Variants in EXD3 observed in about 807,000 individuals in gnomAD.
EXD3 encodes the protein exonuclease mut-7 homolog.
In EXD3, 92 loss-of-function variants were observed where a neutral mutation model predicts 98.0. The ratio of observed to expected loss-of-function variants is 0.94; its 90% CI spans 0.79 to 1.12. The LOEUF is 1.12. EXD3 is among the 50% of genes most tolerant of loss of function. The probability of loss-of-function intolerance (pLI) is 0.00; values close to 1 mark genes in which losing one functional copy is unlikely to be tolerated. For missense variants in EXD3, 1,222 were observed against 1,191.6 expected (o/e 1.03, Z -0.38); for synonymous variants, 569 against 526.0 (o/e 1.08, Z -1.12).
chr9:137,398,746 C>T (rs1163428632), intron 1 of EXD3, among the ~76,000 whole-genome samples: 1 of 148,284 alleles, frequency 6.7e-6, no homozygotes, highest in Admixed American at 6.7e-5. Flanking sequence ...GCACCCGCGT[C>T]CCCGAGACAC....
chr9:137,346,170 C>T (rs935994306), intron 17 of EXD3, among the ~76,000 whole-genome samples: 2 of 128,206 alleles, frequency 1.6e-5, no homozygotes, highest in South Asian at 2.7e-4. Flanking sequence ...ACCTGGGAGG[C>T]GGAGCTTGCA....
At chr9:137,348,477 T>C (rs1251829509) in intron 16 of EXD3, among the ~76,000 whole-genome samples, 3 of 30,912 alleles carry the variant, frequency 9.7e-5, no homozygotes, top group East Asian at 8.6e-4. Flanking sequence ...GGGTGGCGTG[T>C]GTGCCCAGAG....
At position 137,309,620 on chromosome 9, in the gene EXD3, C is replaced by T. The variant is rs768959417; in HGVS notation, c.2265G>A (p.Gly755=). 6.4e-7 allele frequency: 1 copy of T among 1,560,112 alleles called. No individual in the cohort carries two copies. The highest frequency in any genetic ancestry group is 1.2e-5 in the South Asian group (1 of 84,624). The part of the protein sequence containing the change: ...QLMWLSSHQE[G]PRSSGDEATQ... ...TGACACACTCACCTGAGCTCCTGGG[C>T]CCCTCCTGGTGACTGCTGAGCCACA... Residue 755 remains glycine, a synonymous_variant, in exon 20 of 22, where the codon GGG becomes GGA. Transcript: ENST00000340951.
At chr9:137,363,335 CTTTTTTT>C (rs71387828) in intron 7 of EXD3, among the ~76,000 whole-genome samples, 1 of 81,184 alleles carries the variant, frequency 1.2e-5, no homozygotes, top group Non-Finnish European at 2.2e-5. Context: ...GTGCAATTTC[CTTTTTTT>C]TTTTTTTTTT....
At chr9:137,316,038 C>T (rs1484818630) in intron 19 of EXD3, among the ~76,000 whole-genome samples, 2 of 150,444 alleles carry the variant, frequency 1.3e-5, no homozygotes, top group African/African-American at 2.4e-5. Context: ...CCCCGGGGCT[C>T]CAGAGCTTCC....
intron 10 of EXD3, chr9:137,353,895 GGAC>G (rs1455784484): frequency 3.0e-6 from 3 of 994,054 alleles, no homozygotes; most frequent in Non-Finnish European, 3.6e-6. Flanking sequence ...GTTCCCACGT[GGAC>G]GACAATACGT....
intron 17 of EXD3, among the ~76,000 whole-genome samples, chr9:137,336,833 A>C (rs771078339): frequency 5.3e-5 from 8 of 152,096 alleles, no homozygotes; most frequent in Admixed American, 1.3e-4. Flanking sequence ...ATGAAAAAAA[A>C]GAGGAAAAAG....
intron 17 of EXD3, among the ~76,000 whole-genome samples, chr9:137,331,944 T>C (rs1833084655): frequency 6.6e-6 from 1 of 151,644 alleles, no homozygotes; most frequent in Admixed American, 6.6e-5. Flanking sequence ...AATAAAAAAG[T>C]GAAAAAAGAA....
In EXD3 at chr9:137,405,039, G is replaced by A. The variant is rs953190649; in HGVS notation, c.-47-9635C>T. Among the ~76,000 whole-genome samples, 4 of 152,106 alleles carry A rather than the reference G, an allele frequency of 2.6e-5. No homozygotes were observed. Among genetic ancestry groups the A allele is most frequent in the African/African-American group, 9.7e-5 (4 of 41,420 alleles). On this transcript the variant is annotated intron_variant, in intron 1 of 21. Coordinates refer to ENST00000340951, the MANE Select transcript of EXD3 (RefSeq NM_017820.5). This position sits in a 1 kb window ranked among gnomAD's most constrained non-coding sequence, Gnocchi z 4.1. ...CCCCCAGGCGAGCCGGGTGCTGGGA[G>A]GGGACACGTGCTGTCTCACAGGTGA...
chr9:137,395,461 G>A lies in EXD3; in HGVS notation c.-47-57C>T, dbSNP rs1235377628. ...GCCCACTGCAACAGGCAGCCATGCA[G>A]AGCCCACGCCCACAGCCCCTGGAGG... On this transcript the variant is annotated intron_variant, in intron 1 of 21. Coordinates refer to ENST00000340951, the MANE Select transcript of EXD3 (RefSeq NM_017820.5). This position sits in a 1 kb window ranked among gnomAD's most constrained non-coding sequence, Gnocchi z 6.5. 1.3e-6 allele frequency: 2 copies of A among 1,537,354 alleles called. No individual in the cohort carries two copies. Among genetic ancestry groups the A allele is most frequent in the Non-Finnish European group, 1.8e-6 (2 of 1,123,656 alleles).
intron 1 of EXD3, among the ~76,000 whole-genome samples, chr9:137,412,488 C>T (rs187488567): frequency 9.2e-5 from 14 of 152,330 alleles, no homozygotes; most frequent in African/African-American, 2.2e-4. Context: ...AGGTGCCCAC[C>T]GGGGCCCTTC....
intron 16 of EXD3, 31 bp from the exon 17 acceptor site, chr9:137,348,269 G>A (rs781353221): frequency 4.1e-5 from 65 of 1,600,540 alleles, no homozygotes; most frequent in Non-Finnish European, 5.1e-5. Context: ...GCAGTCCCAC[G>A]GTCACCCCCC....
chr9:137,307,376 C>T (rs1831101600), intron 21 of EXD3, 113 bp from the exon 22 acceptor site: 2 of 1,406,102 alleles, frequency 1.4e-6, no homozygotes, highest in African/African-American at 2.9e-5. Context: ...CACTCCTCAG[C>T]AGCTCCTCTT....
At position 137,395,970 on chromosome 9, in the gene EXD3, CTTTT is replaced by C. The variant is rs751611486; in HGVS notation, c.-47-570_-47-567del. Among the ~76,000 whole-genome samples the C allele has an allele frequency of 7.1e-6, 1 of 140,756 alleles. No individual in the cohort carries two copies. The allele number at this position is 140,756 out of a possible 152,430, so 92.3% of individuals were successfully genotyped here. A position where few individuals can be genotyped will look rare whatever the true frequency, so the allele number is the denominator to read the frequency against. On this transcript the variant is annotated intron_variant, in intron 1 of 21. Coordinates refer to ENST00000340951, the MANE Select transcript of EXD3 (RefSeq NM_017820.5). This position sits in a 1 kb window ranked among gnomAD's most constrained non-coding sequence, Gnocchi z 6.5. Reference sequence around the variant, plus strand: ...TTTTTTTTCTTTTCTTTCTTTCTTTCTTTTTTTTTTTTTTGGAGACAGAGTCTCT... The same window carrying C: ...TTTTTTTTCTTTTCTTTCTTTCTTTCTTTTTTTTTTGGAGACAGAGTCTCT...
At chr9:137,350,966 T>C (rs1291546016) in intron 14 of EXD3, 72 bp downstream of exon 14, 1 of 1,288,344 alleles carries the variant, frequency 7.8e-7, no homozygotes, top group East Asian at 2.5e-5. Flanking sequence ...TGGGAAGGTG[T>C]GGAGGGGCCC....
In EXD3 at chr9:137,347,628, C is replaced by T. The variant is rs144844125; in HGVS notation, c.1998+443G>A. Among the ~76,000 whole-genome samples, 336 of 151,946 alleles carry T rather than the reference C, an allele frequency of 2.2e-3. No individual in the cohort carries two copies. The highest frequency in any genetic ancestry group is 7.4e-3 in the African/African-American group (305 of 41,464). On this transcript the variant is annotated intron_variant, in intron 17 of 21. Transcript: ENST00000340951. This position sits in a 1 kb window ranked among gnomAD's most constrained non-coding sequence, Gnocchi z 4.2. ...CTGGCTAATTTTTCTATTTTTGGTA[C>T]AGACGGGGTTTCACCATATTGGTCA...
intron 1 of EXD3, among the ~76,000 whole-genome samples, chr9:137,398,514 C>T (rs962039930): frequency 7.2e-5 from 11 of 151,992 alleles, no homozygotes; most frequent in Admixed American, 4.6e-4. Flanking sequence ...CACATGTGCA[C>T]CCATGTCCCC....
intron 17 of EXD3, among the ~76,000 whole-genome samples, chr9:137,326,774 G>A (rs561868013): frequency 1.1e-4 from 17 of 152,272 alleles, no homozygotes; most frequent in African/African-American, 2.9e-4. Context: ...TGTGGCCGCC[G>A]TGGAAAACAG....
chr9:137,327,489 T>C (rs1004125176), intron 17 of EXD3, among the ~76,000 whole-genome samples: 1 of 152,114 alleles, frequency 6.6e-6, no homozygotes, highest in Non-Finnish European at 1.5e-5. Context: ...GTGATGGATA[T>C]GTGATACAGT....
Sources: allele counts gnomAD v4.1 joint callset (sites outside exome capture counted in the v4.1 genomes callset), GRCh38; gene constraint gnomAD v4.1.1; non-coding constraint Gnocchi (gnomAD v3.1); transcripts MANE v1.5; gene names NCBI Gene and HGNC (gene_info 2026-07-23, HGNC 2026-07-21).